CPLANE1: variants seen among roughly 807,000 people sequenced by gnomAD.
CPLANE1 encodes ciliogenesis and planar polarity effector 1.
In CPLANE1, 263 loss-of-function variants were observed where a neutral mutation model predicts 362.5. The ratio of observed to expected loss-of-function variants is 0.73; its 90% CI spans 0.66 to 0.80. CPLANE1 has a LOEUF of 0.80. CPLANE1 is among the 30% of genes least tolerant of loss of function. The pLI is 0.00. For synonymous variants in CPLANE1, 1,212 were observed against 1,302.6 expected (o/e 0.93, Z 1.50); for missense variants, 3,461 against 3,793.4 (o/e 0.91, Z 2.30).
intron 8 of CPLANE1, among the ~76,000 whole-genome samples, chr5:37,233,563 G>A (rs1798234234): frequency 6.6e-6 from 1 of 152,022 alleles, no homozygotes; most frequent in Admixed American, 6.5e-5. Context: ...CTGCCACAGA[G>A]CAGCTATGTC....
intron 25 of CPLANE1, among the ~76,000 whole-genome samples, chr5:37,184,360 T>C (rs534125993): frequency 2.0e-5 from 3 of 152,162 alleles, no homozygotes; most frequent in Admixed American, 2.0e-4. Flanking sequence ...AAGCATCCCA[T>C]CCCTTCTGAT....
At chr5:37,181,540 T>C (rs1451661696) in intron 26 of CPLANE1, among the ~76,000 whole-genome samples, 2 of 152,144 alleles carry the variant, frequency 1.3e-5, no homozygotes, top group African/African-American at 2.4e-5. Flanking sequence ...AAAGGACTAG[T>C]GTGGTGGCTC....
At chr5:37,163,384 T>C (rs192763936) in intron 37 of CPLANE1, among the ~76,000 whole-genome samples, 3 of 152,102 alleles carry the variant, frequency 2.0e-5, no homozygotes, top group East Asian at 3.9e-4. Flanking sequence ...GAAAAAACAG[T>C]TGGGGCAGAG....
At chr5:37,199,381 G>C (rs1213595766) in intron 19 of CPLANE1, among the ~76,000 whole-genome samples, 31 of 152,150 alleles carry the variant, frequency 2.0e-4, no homozygotes, top group Admixed American at 1.8e-3. Context: ...CTCTTCCTCT[G>C]CTGGGAAGAA....
At chr5:37,124,927 C>G in intron 47 of CPLANE1, 1 of 1,082,202 alleles carries the variant, frequency 9.2e-7, no homozygotes. Context: ...GCCAATGACT[C>G]TCATTGAAAA....
At position 37,227,648 on chromosome 5, in the gene CPLANE1, G is replaced by A; in HGVS notation, c.1291C>T (p.Pro431Ser). Residue 431 changes from proline to serine, a missense_variant, in exon 10 of 53, where the codon CCA becomes TCA. Physicochemically the swap from Pro to Ser is moderately conservative, Grantham distance 74 (BLOSUM62 -1). Transcript: ENST00000651892. ...TTLRFLDSLS[P>S]SVHMRSLLLD... The stretch of plus-strand genomic sequence containing the variant: ...AGAAGTGATCTCATGTGTACTGATG[G>A]AGATAGGCTATCAAGAAATCGAAGG... 1 of 1,551,428 alleles carries A rather than the reference G, an allele frequency of 6.4e-7. No individual in the cohort carries two copies.
chr5:37,244,559 A>AT lies in CPLANE1; in HGVS notation c.385dup (p.Ile129AsnfsTer25). 6.4e-7 allele frequency: 1 copy of AT among 1,551,626 alleles called. No individual in the cohort carries two copies. Among genetic ancestry groups the AT allele is most frequent in the Non-Finnish European group, 8.7e-7 (1 of 1,146,954 alleles). ...GCATCCAGAAGGTGTTATGAGCACA[A>AT]TTCTTTTCCCATTTCCAGATACATA... On this transcript the variant is annotated frameshift_variant, in exon 5 of 53. Transcript: ENST00000651892.
intron 23 of CPLANE1, among the ~76,000 whole-genome samples, chr5:37,186,851 A>AGATC (rs1561537965): frequency 6.6e-6 from 1 of 152,064 alleles, no homozygotes; most frequent in East Asian, 1.9e-4. Flanking sequence ...CGAGGTCAGG[A>AGATC]GATCAAGACC....
chr5:37,150,171 G>T (rs997789290), intron 42 of CPLANE1, among the ~76,000 whole-genome samples: 2 of 152,118 alleles, frequency 1.3e-5, no homozygotes, highest in Admixed American at 6.6e-5. Context: ...ATGCTTAATG[G>T]ACTCAGACAT....
intron 46 of CPLANE1, among the ~76,000 whole-genome samples, chr5:37,127,341 T>G (rs301892): frequency 0.15 from 22,932 of 151,990 alleles, 2,324 homozygotes; most frequent in African/African-American, 0.29. Context: ...CCAGTTTTAT[T>G]GCATCCTCCC....
At chr5:37,239,197 T>C (rs1799718319) in intron 7 of CPLANE1, among the ~76,000 whole-genome samples, 1 of 152,228 alleles carries the variant, frequency 6.6e-6, no homozygotes, top group Non-Finnish European at 1.5e-5. Flanking sequence ...TTTTCATTTC[T>C]GAAAGCCAAG....
rs747927334 is a variant in CPLANE1 at position 37,108,479 on chromosome 5, G to A, written c.9401-8C>T. 3.1e-6 allele frequency: 5 copies of A among 1,609,752 alleles called. No homozygotes were observed. The East Asian group carries it at 8.9e-5, about 29-fold the overall frequency. On this transcript the variant is annotated splice_polypyrimidine_tract_variant and splice_region_variant and intron_variant, in intron 51 of 52. Transcript: ENST00000651892. Reference sequence around the variant, plus strand: ...GACACGGAGCATTAGAGCCTTTTAAGGGATAAGAACAAAGCACACATTGGG... The same window carrying A: ...GACACGGAGCATTAGAGCCTTTTAAAGGATAAGAACAAAGCACACATTGGG...
rs753619727 is a variant in CPLANE1 at position 37,227,890 on chromosome 5, AAAG to A, written c.1122-76_1122-74del. On this transcript the variant is annotated intron_variant, in intron 9 of 52. Coordinates refer to ENST00000651892, the MANE Select transcript of CPLANE1 (RefSeq NM_001384732.1). ...ACGGAAAACAATAATGTTTTTCAAA[AAAG>A]AAGAAAAAGTTACAGAACAATGAAA... is the stretch of plus-strand genomic sequence containing the variant. 1.1e-4 allele frequency: 152 copies of A among 1,376,370 alleles called. 1 individual carries two copies. The highest frequency in any genetic ancestry group is 5.8e-4 in the South Asian group (38 of 65,758). 85.3% of individuals were successfully genotyped at this position (1,376,370 alleles called of 1,614,324 possible).
intron 8 of CPLANE1, among the ~76,000 whole-genome samples, chr5:37,232,516 T>TG (rs1384880510): frequency 3.0e-5 from 4 of 132,072 alleles, no homozygotes; most frequent in African/African-American, 5.7e-5. Context: ...GACTCCATCT[T>TG]GGGGGAAAAA....
chr5:37,210,673 A>G (rs925697205), intron 16 of CPLANE1: 8 of 1,553,826 alleles, frequency 5.1e-6, no homozygotes, highest in African/African-American at 4.1e-5. Context: ...ATGAGTGACT[A>G]TTCACTACTA....
Position 37,180,927 on chromosome 5 carries a change from C to T in CPLANE1, c.5500G>A (p.Val1834Ile). ...RESKSDAGGS[V>I]AVATPGGTEE... ...GTTCCACCTGGAGTTGCTACTGCAA[C>T]TGAACCGCCAGCATCTGATTTGCTC... is the stretch of plus-strand genomic sequence containing the variant. Residue 1834 changes from valine (V) to isoleucine (I), a missense_variant, in exon 27 of 53, where the codon GTT (valine) becomes ATT (isoleucine). Coordinates refer to ENST00000651892, the MANE Select transcript of CPLANE1 (RefSeq NM_001384732.1). The T allele has an allele frequency of 6.2e-7, 1 of 1,614,030 alleles. No individual in the cohort carries two copies. The highest frequency in any genetic ancestry group is 8.5e-7 in the Non-Finnish European group (1 of 1,179,918).
Position 37,106,474 on chromosome 5 carries a change from A to G in CPLANE1, c.*1128T>C, listed in dbSNP as rs1395952345. On this transcript the variant is annotated 3_prime_UTR_variant, in exon 53 of 53. Coordinates refer to ENST00000651892, the MANE Select transcript of CPLANE1 (RefSeq NM_001384732.1). ...AAAAATGTACAACTATCATGTATCA[A>G]TAAAATACCCATAGAATATACAAAA... is the stretch of plus-strand genomic sequence containing the variant. 2.7e-6 allele frequency: 1 copy of G among 367,600 alleles called. No homozygotes were observed. Among genetic ancestry groups the G allele is most frequent in the Non-Finnish European group, 3.8e-6 (1 of 265,110 alleles). The allele number at this position is 367,600 out of a possible 1,614,324, so 22.8% of individuals were successfully genotyped here. A position where few individuals can be genotyped will look rare whatever the true frequency, so the allele number is the denominator to read the frequency against.
the CPLANE1 span, among the ~76,000 whole-genome samples, chr5:37,077,264 T>C: frequency 5.3e-5 from 8 of 152,146 alleles, no homozygotes; most frequent in African/African-American, 1.4e-4. Flanking sequence ...TTAGTGCATA[T>C]GTAGAACAGC....
At chr5:37,147,407 A>C (rs1012855499) in intron 43 of CPLANE1, among the ~76,000 whole-genome samples, 2 of 152,226 alleles carry the variant, frequency 1.3e-5, no homozygotes, top group African/African-American at 4.8e-5. Context: ...TTACAAGCTA[A>C]AGAAATCATA....
Sources: gnomAD v4.1 joint callset for allele counts (sites outside exome capture counted in the v4.1 genomes callset) on GRCh38, gnomAD v4.1.1 for gene constraint, MANE v1.5 for transcripts, NCBI Gene and HGNC (gene_info 2026-07-23, HGNC 2026-07-21) for gene names.